The following PRIM2 variants were observed in gnomAD, a reference collection of about 807,000 sequenced individuals.
PRIM2 encodes the protein DNA primase large subunit.
Under a neutral mutation model 67.3 loss-of-function variants are expected in PRIM2, and 39 were observed. That is an observed-to-expected ratio of 0.58 (90% CI 0.45 to 0.76). The LOEUF (loss-of-function observed/expected upper bound fraction) is 0.76. Among genes scored for constraint, PRIM2 ranks in the 30% least tolerant of loss-of-function variants. The pLI is 0.00. For missense variants in PRIM2, 398 were observed against 598.7 expected (o/e 0.66, Z 3.50); for synonymous variants, 143 against 198.7 (o/e 0.72, Z 2.36).
At chr6:57,504,671 G>T (rs1321989923) in intron 7 of PRIM2, among the ~76,000 whole-genome samples, 4 of 152,030 alleles carry the variant, frequency 2.6e-5, no homozygotes, top group African/African-American at 9.7e-5. Flanking sequence ...GGTGATTTAT[G>T]TGTCCGGTAC....
intron 7 of PRIM2, among the ~76,000 whole-genome samples, chr6:57,459,520 G>T (rs1772926375): frequency 6.6e-6 from 1 of 152,208 alleles, no homozygotes; most frequent in East Asian, 1.9e-4. Flanking sequence ...TGATAAACTA[G>T]ATTTTTAAAC....
chr6:57,348,789 C>CT (rs1314374271), intron 5 of PRIM2, among the ~76,000 whole-genome samples: 1 of 148,224 alleles, frequency 6.7e-6, no homozygotes, highest in African/African-American at 2.5e-5. Context: ...CTCTCTGTTG[C>CT]CAAGCTGAAG....
chr6:57,482,327 G>A (rs1251425423), intron 7 of PRIM2, among the ~76,000 whole-genome samples: 2 of 152,088 alleles, frequency 1.3e-5, no homozygotes, highest in Non-Finnish European at 2.9e-5. Context: ...CAAATATAGA[G>A]GGACGATAAT....
At chr6:57,433,087 A>G (rs1771886984) in intron 7 of PRIM2, among the ~76,000 whole-genome samples, 1 of 152,180 alleles carries the variant, frequency 6.6e-6, no homozygotes, top group African/African-American at 2.4e-5. Flanking sequence ...CCTATTCGTT[A>G]TGTATTGTGT....
At chr6:57,612,939 T>C (rs1776692663) in intron 12 of PRIM2, among the ~76,000 whole-genome samples, 1 of 152,000 alleles carries the variant, frequency 6.6e-6, no homozygotes, top group Non-Finnish European at 1.5e-5. Context: ...AGGTTACAGC[T>C]GCACATCACC....
At chr6:57,423,440 A>G (rs1274066197) in intron 7 of PRIM2, among the ~76,000 whole-genome samples, 2 of 152,196 alleles carry the variant, frequency 1.3e-5, no homozygotes, top group African/African-American at 4.8e-5. Flanking sequence ...ATATAAGACA[A>G]CACAAACTTT....
intron 7 of PRIM2, among the ~76,000 whole-genome samples, chr6:57,418,994 G>A (rs1454700065): frequency 1.8e-4 from 27 of 152,088 alleles, no homozygotes; most frequent in Admixed American, 6.5e-5. Context: ...TTTCCATAGT[G>A]CTTTCTGTAT....
chr6:57,466,243 C>A (rs1315622589), intron 7 of PRIM2, among the ~76,000 whole-genome samples: 1 of 152,144 alleles, frequency 6.6e-6, no homozygotes, highest in African/African-American at 2.4e-5. Flanking sequence ...TGGGTTGGTT[C>A]CAAGTCTTTG....
chr6:57,244,866 G>A, the PRIM2 span, among the ~76,000 whole-genome samples: 2 of 152,154 alleles, frequency 1.3e-5, no homozygotes, highest in East Asian at 1.9e-4. Flanking sequence ...TCCCTGAAAC[G>A]TTTTATTGCC....
chr6:57,325,940 C>A lies in PRIM2; in HGVS notation c.354C>A (p.Arg118=). The change falls in exon 5 of 14, where the codon CGC becomes CGA. Residue 118 remains arginine (R), a synonymous_variant. Coordinates refer to ENST00000615550, the MANE Select transcript of PRIM2 (RefSeq NM_000947.5). ...LAYCQSEELR[R]WFIQQEMDLL... ...TTCATTTCAGTGAAGAACTTAGACG[C>A]TGGTTCATTCAACAAGAAATGGATC... 1 of 1,603,334 alleles carries A rather than the reference C, an allele frequency of 6.2e-7. No homozygotes were observed. Among genetic ancestry groups the A allele is most frequent in the South Asian group, 1.1e-5 (1 of 89,322 alleles).
chr6:57,539,759 C>T (rs1348526076), intron 10 of PRIM2, among the ~76,000 whole-genome samples: 4 of 151,440 alleles, frequency 2.6e-5, no homozygotes, highest in South Asian at 2.1e-4. Flanking sequence ...TTTGGGAGAC[C>T]GAGGCAGGTG....
At chr6:57,635,398 C>T (rs1777101899) in intron 13 of PRIM2, among the ~76,000 whole-genome samples, 2 of 152,306 alleles carry the variant, frequency 1.3e-5, no homozygotes, top group African/African-American at 4.8e-5. Flanking sequence ...TGCTTGAAAC[C>T]TGTTTTCCTC....
At chr6:57,319,962 A>C (rs537940468) in intron 2 of PRIM2, among the ~76,000 whole-genome samples, 29 of 152,214 alleles carry the variant, frequency 1.9e-4, no homozygotes, top group Non-Finnish European at 2.9e-4. Context: ...TTTGAACAGT[A>C]TGTAGCATCT....
At chr6:57,334,910 C>T (rs938277014) in intron 5 of PRIM2, among the ~76,000 whole-genome samples, 6 of 152,024 alleles carry the variant, frequency 3.9e-5, no homozygotes, top group South Asian at 2.1e-4. Flanking sequence ...GCGTGAGCGA[C>T]ACAGAAGATG....
intron 9 of PRIM2, among the ~76,000 whole-genome samples, chr6:57,537,007 A>G (rs1321353876): frequency 0.069 from 10,547 of 152,244 alleles, 527 homozygotes; most frequent in East Asian, 0.2. Context: ...AAACCTGAAT[A>G]AGACTAGTGG....
At chr6:57,444,471 G>A (rs2127386875) in intron 7 of PRIM2, among the ~76,000 whole-genome samples, 1 of 151,992 alleles carries the variant, frequency 6.6e-6, no homozygotes, top group South Asian at 2.1e-4. Context: ...GGAGGCTGGG[G>A]CAGAAGAATC....
chr6:57,619,352 C>A (rs1276659872), intron 12 of PRIM2, among the ~76,000 whole-genome samples: 1 of 152,140 alleles, frequency 6.6e-6, no homozygotes, highest in Non-Finnish European at 1.5e-5. Context: ...TATGACCAAA[C>A]AAGGCTCATC....
upstream of PRIM2, among the ~76,000 whole-genome samples, chr6:57,313,603 T>C (rs1347508187): frequency 6.6e-6 from 1 of 152,144 alleles, no homozygotes; most frequent in Non-Finnish European, 1.5e-5. Flanking sequence ...TTTCTTTAGG[T>C]TGTTTCCCAG....
chr6:57,558,831 C>T (rs1238127839), intron 10 of PRIM2, among the ~76,000 whole-genome samples: 8 of 151,988 alleles, frequency 5.3e-5, no homozygotes, highest in East Asian at 3.9e-4. Flanking sequence ...TAGTCATTAA[C>T]GAGATACATT....
Sources: allele counts gnomAD v4.1 joint callset (sites outside exome capture counted in the v4.1 genomes callset), GRCh38; gene constraint gnomAD v4.1.1; transcripts MANE v1.5; gene names NCBI Gene and HGNC (gene_info 2026-07-23, HGNC 2026-07-21).